The following FGD4 variants were observed in gnomAD, a reference collection of about 807,000 sequenced individuals.
The protein encoded by FGD4 is FYVE, RhoGEF and PH domain containing 4.
Under a neutral mutation model 102.0 loss-of-function variants are expected in FGD4, and 42 were observed. The observed-to-expected ratio is 0.41, with a 90% CI of 0.32 to 0.53. The LOEUF (loss-of-function observed/expected upper bound fraction) is 0.53. Ranked by LOEUF, FGD4 falls within the 20% of genes least tolerant of loss-of-function variation. FGD4 has a pLI of 0.21. For missense variants in FGD4, 902 were observed against 1,078.2 expected, an observed-to-expected ratio of 0.84 and a Z score of 2.29; for synonymous variants, 380 against 375.7, an observed-to-expected ratio of 1.01 and a Z score of -0.13.
intron 1 of FGD4, among the ~76,000 whole-genome samples, chr12:32,508,402 G>C (rs1481534060): frequency 6.6e-6 from 1 of 152,200 alleles, no homozygotes; most frequent in East Asian, 1.9e-4. Context: ...AATCTCCAAG[G>C]CAGCTGGAAT....
chr12:32,477,650 A>G (rs1943616013), intron 1 of FGD4, among the ~76,000 whole-genome samples: 1 of 152,216 alleles, frequency 6.6e-6, no homozygotes, highest in African/African-American at 2.4e-5. Flanking sequence ...TTTTTTTAAA[A>G]TAAAGCTTGT....
At chr12:32,640,081 C>T (rs1390235159) in intron 16 of FGD4, among the ~76,000 whole-genome samples, 195 bp from the exon 17 acceptor site, 1 of 152,146 alleles carries the variant, frequency 6.6e-6, no homozygotes, top group East Asian at 1.9e-4. Context: ...AGCTCTCATT[C>T]ATTCAGCTAA....
intron 1 of FGD4, among the ~76,000 whole-genome samples, chr12:32,496,310 C>G (rs1937815881): frequency 6.6e-6 from 1 of 152,174 alleles, no homozygotes; most frequent in Non-Finnish European, 1.5e-5. Context: ...GGCCTGATCT[C>G]AGACCAAAAA....
Position 32,525,153 on chromosome 12 carries a change from T to C in FGD4, c.167-38984T>C, listed in dbSNP as rs532926152. The stretch of plus-strand genomic sequence containing the variant: ...CTGAAATTGTTGTCTAGTGTACCTT[T>C]GCTTTTCTCCCTCTCCAGAATGAGG... On this transcript the variant is annotated intron_variant, in intron 1 of 16. Transcript: ENST00000534526. Among the ~76,000 whole-genome samples the C allele has an allele frequency of 7.8e-4, 119 of 152,308 alleles. 1 individual carries two copies. Among genetic ancestry groups the C allele is most frequent in the African/African-American group, 2.6e-3 (110 of 41,574 alleles).
chr12:32,637,255 G>T (rs1456088661), intron 15 of FGD4, among the ~76,000 whole-genome samples: 1 of 151,748 alleles, frequency 6.6e-6, no homozygotes. Context: ...GTATTAGTCT[G>T]TACTCACACT....
chr12:32,637,201 ATT>A (rs1328681264), intron 15 of FGD4, among the ~76,000 whole-genome samples: 1 of 151,072 alleles, frequency 6.6e-6, no homozygotes, highest in Non-Finnish European at 1.5e-5. Context: ...TTAGCCAACA[ATT>A]TTTATATTAG....
intron 4 of FGD4, among the ~76,000 whole-genome samples, chr12:32,588,138 A>G (rs956194213): frequency 2.6e-5 from 4 of 152,226 alleles, no homozygotes; most frequent in Admixed American, 1.3e-4. Flanking sequence ...TAAGGAAAAA[A>G]GCATGGTCAG....
intron 1 of FGD4, among the ~76,000 whole-genome samples, chr12:32,415,700 G>A (rs533651745): frequency 3.9e-5 from 6 of 152,254 alleles, no homozygotes; most frequent in East Asian, 3.9e-4. Context: ...GCCACCAGGC[G>A]TGAGCCACCG....
At chr12:32,628,215 G>A (rs1416709134) in intron 14 of FGD4, among the ~76,000 whole-genome samples, 1 of 152,178 alleles carries the variant, frequency 6.6e-6, no homozygotes, top group Non-Finnish European at 1.5e-5. Flanking sequence ...GTGTGGGGCA[G>A]ATGATAAGGA....
chr12:32,469,348 G>A lies in FGD4; in HGVS notation c.166+69389G>A, dbSNP rs12304479. Among the ~76,000 whole-genome samples the A allele has an allele frequency of 2.1e-3, 317 of 151,494 alleles. 1 individual carries two copies. Among genetic ancestry groups the A allele is most frequent in the African/African-American group, 7.1e-3 (292 of 41,270 alleles). ...GGCTGGAGTGCAGTGGCGCAATCTC[G>A]GCTCACTGCAACCTCTGCCTCCTGG... On this transcript the variant is annotated intron_variant, in intron 1 of 16. Coordinates refer to ENST00000534526, the MANE Select transcript of FGD4 (RefSeq NM_001370298.3).
intron 11 of FGD4, among the ~76,000 whole-genome samples, chr12:32,623,855 C>T (rs989197259): frequency 6.6e-6 from 1 of 152,172 alleles, no homozygotes; most frequent in Non-Finnish European, 1.5e-5. Context: ...TGTAAAACCT[C>T]CTTCCTACAG....
At chr12:32,560,868 T>A (rs74760475) in intron 1 of FGD4, among the ~76,000 whole-genome samples, 2,683 of 152,068 alleles carry the variant, frequency 0.018, 67 homozygotes, top group African/African-American at 0.061. Flanking sequence ...AATTTTTATT[T>A]TTTTTAAGTA....
chr12:32,484,616 A>G (rs967136022), intron 1 of FGD4, among the ~76,000 whole-genome samples: 6 of 152,188 alleles, frequency 3.9e-5, no homozygotes, highest in Non-Finnish European at 5.9e-5. Flanking sequence ...TCATGCCTGT[A>G]ATCCCAGCAT....
chr12:32,585,640 A>G (rs1404420541), intron 4 of FGD4, among the ~76,000 whole-genome samples: 1 of 151,832 alleles, frequency 6.6e-6, no homozygotes, highest in Non-Finnish European at 1.5e-5. Context: ...TTTGAGACCA[A>G]CCTGGGCAAC....
chr12:32,625,196 T>A, intron 13 of FGD4, 128 bp downstream of exon 13: 2 of 730,330 alleles, frequency 2.7e-6, no homozygotes, highest in Non-Finnish European at 4.8e-6. Context: ...AGACAGAATC[T>A]CATTCTTTCT....
At chr12:32,453,396 A>G (rs763598099) in intron 1 of FGD4, among the ~76,000 whole-genome samples, 2 of 151,312 alleles carry the variant, frequency 1.3e-5, no homozygotes, top group African/African-American at 2.4e-5. Flanking sequence ...ATCATGCCTG[A>G]CTAATTTTTG....
chr12:32,444,030 T>TTC (rs1428301435), intron 1 of FGD4, among the ~76,000 whole-genome samples: 14 of 148,448 alleles, frequency 9.4e-5, no homozygotes, highest in African/African-American at 3.4e-4. Flanking sequence ...TCTTTTTTTT[T>TTC]TTTTTTTTTT....
chr12:32,410,154 C>G (rs574936638), intron 1 of FGD4, among the ~76,000 whole-genome samples: 162 of 152,190 alleles, frequency 1.1e-3, no homozygotes, highest in African/African-American at 3.5e-3. Flanking sequence ...GGGTGAAACC[C>G]CATCTCTACT....
At chr12:32,574,365 G>T (rs1457379462) in intron 2 of FGD4, among the ~76,000 whole-genome samples, 26 of 135,802 alleles carry the variant, frequency 1.9e-4, no homozygotes, top group African/African-American at 6.6e-4. Context: ...AGATTTTCCT[G>T]TTTTACTGCA....
Sources: allele counts gnomAD v4.1 joint callset (sites outside exome capture counted in the v4.1 genomes callset), GRCh38; gene constraint gnomAD v4.1.1; transcripts MANE v1.5; gene names NCBI Gene and HGNC (gene_info 2026-07-23, HGNC 2026-07-21).